LYRM1: variants seen among roughly 807,000 people sequenced by gnomAD.
LYRM1 encodes the protein LYR motif containing 1.
Under a neutral mutation model 14.9 loss-of-function variants are expected in LYRM1, and 14 were observed. The ratio of observed to expected loss-of-function variants is 0.94; its 90% CI spans 0.62 to 1.47. LYRM1 has a LOEUF of 1.47. LYRM1 is among the 40% of genes most tolerant of loss of function. LYRM1 has a pLI of 0.00. For synonymous variants in LYRM1, 43 were observed against 56.2 expected (o/e 0.77, Z 1.05); for missense variants, 153 against 149.9 (o/e 1.02, Z -0.11).
chr16:20,907,436 C>G (rs2082379189), intron 1 of LYRM1, among the ~76,000 whole-genome samples: 1 of 152,198 alleles, frequency 6.6e-6, no homozygotes. Context: ...TCATAGCTCA[C>G]TGCAGCCTTT....
At chr16:20,914,455 A>AT (rs35172104) in intron 1 of LYRM1, among the ~76,000 whole-genome samples, 7,329 of 132,042 alleles carry the variant, frequency 0.056, 480 homozygotes, top group African/African-American at 0.15. Flanking sequence ...CACCTGGCTA[A>AT]TTTTTTTTTT....
upstream of LYRM1, chr16:20,900,097 CA>C: frequency 4.6e-5 from 7 of 152,180 alleles, no homozygotes; most frequent in Admixed American, 4.6e-4. Flanking sequence ...CGCTGACTTC[CA>C]CTCCTCCCTT....
At chr16:20,907,489 G>A (rs1272914944) in intron 1 of LYRM1, among the ~76,000 whole-genome samples, 1 of 152,162 alleles carries the variant, frequency 6.6e-6, no homozygotes. Flanking sequence ...GCCTCTGAAA[G>A]TGTTGGGCTT....
intron 1 of LYRM1, among the ~76,000 whole-genome samples, chr16:20,905,765 C>G (rs2082288282): frequency 6.6e-6 from 1 of 152,194 alleles, no homozygotes; most frequent in Non-Finnish European, 1.5e-5. Flanking sequence ...AGCTGTGTCT[C>G]TTACGCTGTT....
chr16:20,907,395 CTG>C lies in LYRM1; in HGVS notation c.-1+6508_-1+6509del, dbSNP rs560336138. 3.7e-3 allele frequency among the ~76,000 whole-genome samples: 557 copies of C among 152,258 alleles called. 7 individuals carry two copies. The highest frequency in any genetic ancestry group is 0.013 in the African/African-American group (533 of 41,542). ...TCATTTTTTGAGATAGAGTCTGACT[CTG>C]TTGCCCAGGCTTGAGTGCAGTGGCG... On this transcript the variant is annotated intron_variant, in intron 1 of 3. Transcript: ENST00000567954.
intron 1 of LYRM1, among the ~76,000 whole-genome samples, chr16:20,904,691 T>TTTTGTGTGTGTGTGTGTGTGTGTGTGTG (rs148224628): frequency 1.4e-5 from 2 of 141,062 alleles, no homozygotes; most frequent in East Asian, 2.1e-4. Flanking sequence ...AAGTCTGTGG[T>TTTTGTGTGTGTGTGTGTGTGTGTGTGTG]TGTGTGTGTG....
chr16:20,915,957 C>G (rs929597908), intron 2 of LYRM1, among the ~76,000 whole-genome samples: 6 of 152,108 alleles, frequency 3.9e-5, no homozygotes, highest in African/African-American at 1.2e-4. Flanking sequence ...TCAGAAGACC[C>G]TATGAGCCAG....
intron 1 of LYRM1, 97 bp from the exon 2 acceptor site, chr16:20,915,459 C>CAAA (rs566437893): frequency 0.011 from 9,022 of 786,892 alleles, 3 homozygotes; most frequent in African/African-American, 0.022. Flanking sequence ...GACTCCGTCT[C>CAAA]AAAAAAAAAA....
At chr16:20,902,032 A>G (rs1391878770) in intron 1 of LYRM1, among the ~76,000 whole-genome samples, 1 of 152,012 alleles carries the variant, frequency 6.6e-6, no homozygotes, top group Non-Finnish European at 1.5e-5. Flanking sequence ...AATCGCTTGA[A>G]CCCGGGAGGT....
chr16:20,918,569 C>T (rs896272622), intron 2 of LYRM1, among the ~76,000 whole-genome samples: 1 of 152,262 alleles, frequency 6.6e-6, no homozygotes, highest in East Asian at 1.9e-4. Context: ...CCGTGAATGA[C>T]TGAATTTGGA....
At chr16:20,905,347 A>G (rs2082269383) in intron 1 of LYRM1, among the ~76,000 whole-genome samples, 1 of 152,218 alleles carries the variant, frequency 6.6e-6, no homozygotes, top group Non-Finnish European at 1.5e-5. Context: ...AATTTGCCCA[A>G]TGGGGTAAAG....
At chr16:20,918,715 A>G (rs2083036552) in intron 2 of LYRM1, among the ~76,000 whole-genome samples, 1 of 152,104 alleles carries the variant, frequency 6.6e-6, no homozygotes, top group African/African-American at 2.4e-5. Context: ...TGTAACTTTG[A>G]TTACTCTTAA....
In LYRM1 at chr16:20,924,282, C is replaced by A; in HGVS notation, c.*166C>A. 1 of 567,756 alleles carries A rather than the reference C, an allele frequency of 1.8e-6. No individual in the cohort carries two copies. The allele number at this position is 567,756 out of a possible 1,614,324, so 35.2% of individuals were successfully genotyped here. A position where few individuals can be genotyped will look rare whatever the true frequency, so the allele number is the denominator to read the frequency against. ...AAACTTAGATATCCCTAGAGTTTCTCAGCATCTTTCTTCCTGAGTGGATGG... is the reference window on the plus strand; with the variant it reads ...AAACTTAGATATCCCTAGAGTTTCTAAGCATCTTTCTTCCTGAGTGGATGG... On this transcript the variant is annotated 3_prime_UTR_variant, in exon 4 of 4. Coordinates refer to ENST00000567954, the MANE Select transcript of LYRM1 (RefSeq NM_001128302.3).
At chr16:20,912,356 G>C (rs376100038) in intron 1 of LYRM1, among the ~76,000 whole-genome samples, 1 of 151,884 alleles carries the variant, frequency 6.6e-6, no homozygotes, top group Non-Finnish European at 1.5e-5. Context: ...TGCCAGCTCC[G>C]CCTCCCGGGT....
chr16:20,922,520 C>T (rs570955058), intron 3 of LYRM1, among the ~76,000 whole-genome samples: 106 of 152,126 alleles, frequency 7.0e-4, no homozygotes, highest in African/African-American at 2.5e-3. Context: ...GACGGAGTCT[C>T]GCACTGTCAC....
chr16:20,920,312 G>A (rs2083123979), intron 3 of LYRM1, 98 bp downstream of exon 3: 4 of 884,990 alleles, frequency 4.5e-6, no homozygotes, highest in Non-Finnish European at 7.7e-6. Context: ...TTGCTGAGAA[G>A]CCCAGAGCTG....
intron 1 of LYRM1, among the ~76,000 whole-genome samples, chr16:20,903,739 T>G (rs1355478047): frequency 6.6e-6 from 1 of 151,834 alleles, no homozygotes; most frequent in Non-Finnish European, 1.5e-5. Flanking sequence ...GAAGCTGTCC[T>G]GAAGGCCTGG....
intron 1 of LYRM1, among the ~76,000 whole-genome samples, chr16:20,910,147 A>C (rs1010023058): frequency 2.0e-5 from 3 of 152,218 alleles, no homozygotes; most frequent in Non-Finnish European, 1.5e-5. Flanking sequence ...AGAAAGAGAA[A>C]ACTGCATGGA....
Position 20,924,207 on chromosome 16 carries a change from A to C in LYRM1, c.*91A>C. On this transcript the variant is annotated 3_prime_UTR_variant, in exon 4 of 4. Transcript: ENST00000567954. Reference sequence around the variant, plus strand: ...AAACACTTCTTGATTAGGGGCAAAAATTCAAATGTCTTCTTAAAACCTCCA... The same window carrying C: ...AAACACTTCTTGATTAGGGGCAAAACTTCAAATGTCTTCTTAAAACCTCCA... The C allele has an allele frequency of 1.5e-6, 1 of 675,624 alleles. No individual in the cohort carries two copies. Among genetic ancestry groups the C allele is most frequent in the Non-Finnish European group, 2.6e-6 (1 of 385,470 alleles). 41.9% of individuals were successfully genotyped at this position (675,624 alleles called of 1,614,324 possible).
Sources: gnomAD v4.1 joint callset for allele counts (sites outside exome capture counted in the v4.1 genomes callset) on GRCh38, gnomAD v4.1.1 for gene constraint, MANE v1.5 for transcripts, NCBI Gene and HGNC (gene_info 2026-07-23, HGNC 2026-07-21) for gene names.